ZNF382: variants seen among roughly 807,000 people sequenced by gnomAD.
ZNF382 encodes zinc finger protein 382.
A neutral mutation model predicts 38.8 loss-of-function variants in ZNF382; 20 were observed. The ratio of observed to expected loss-of-function variants is 0.51; its 90% confidence interval spans 0.36 to 0.75. ZNF382 has a LOEUF of 0.75. Ranked by LOEUF, ZNF382 falls within the 30% of genes least tolerant of loss-of-function variation. The pLI is 0.00. For synonymous variants in ZNF382, 202 were observed against 223.1 expected (o/e 0.91, Z 0.84); for missense variants, 546 against 654.1 (o/e 0.83, Z 1.80).
At chr19:36,607,845 C>A in intron 2 of ZNF382, 1 of 518,016 alleles carries the variant, frequency 1.9e-6, no homozygotes, top group Non-Finnish European at 3.4e-6. Flanking sequence ...AGGTGCCTCA[C>A]CTGCCTCACC....
chr19:36,629,453 G>A lies in ZNF382; in HGVS notation c.*1903G>A, dbSNP rs995776194. 6.6e-6 allele frequency: 1 copy of A among 152,026 alleles called. No individual in the cohort carries two copies. Among genetic ancestry groups the A allele is most frequent in the East Asian group, 1.9e-4 (1 of 5,178 alleles). The allele number at this position is 152,026 out of a possible 1,614,324, so 9.4% of individuals were successfully genotyped here. On this transcript the variant is annotated 3_prime_UTR_variant, in exon 5 of 5. Transcript: ENST00000292928. The stretch of plus-strand genomic sequence containing the variant: ...TGTGGACCCTGCTAACACCCAACTG[G>A]TACCACAAATGAGACCTCAAGCAAG...
chr19:36,616,604 C>G (rs2037128096), intron 4 of ZNF382, among the ~76,000 whole-genome samples: 1 of 152,092 alleles, frequency 6.6e-6, no homozygotes, highest in Non-Finnish European at 1.5e-5. Context: ...GTTAGCTGTT[C>G]AATATGTGGG....
intron 4 of ZNF382, among the ~76,000 whole-genome samples, chr19:36,624,863 G>A (rs189116204): frequency 6.0e-5 from 9 of 150,692 alleles, no homozygotes; most frequent in Admixed American, 4.0e-4. Context: ...CCAGGAGTTC[G>A]CGACCAGCCT....
chr19:36,627,531 A>C lies in ZNF382; in HGVS notation c.1634A>C (p.Glu545Ala). Reference sequence around the variant, plus strand: ...GTCCATCAGAAAACTCACAAGGTAGAAACCACGGGAATTCAGTAAGTAATG... The same window carrying C: ...GTCCATCAGAAAACTCACAAGGTAGCAACCACGGGAATTCAGTAAGTAATG... ...LIVHQKTHKVETTGIQ is the reference protein window; with the variant it reads ...LIVHQKTHKVATTGIQ Residue 545 changes from glutamate to alanine, a missense_variant, in exon 5 of 5, where the codon GAA (glutamate) becomes GCA (alanine). By Grantham distance (107) the Glu-to-Ala change is moderately radical (BLOSUM62 -1). Transcript: ENST00000292928. 1 of 1,610,212 alleles carries C rather than the reference A, an allele frequency of 6.2e-7. No homozygotes were observed. The highest frequency in any genetic ancestry group is 1.1e-5 in the South Asian group (1 of 90,944).
intron 4 of ZNF382, among the ~76,000 whole-genome samples, chr19:36,625,826 T>TG (rs1238539626): frequency 1.3e-5 from 2 of 152,194 alleles, no homozygotes; most frequent in Non-Finnish European, 2.9e-5. Flanking sequence ...CCCAGAGTGT[T>TG]GGGATTACAG....
At chr19:36,625,089 A>AATATATATATAT (rs371760229) in intron 4 of ZNF382, among the ~76,000 whole-genome samples, 1,883 of 42,596 alleles carry the variant, frequency 0.044, 110 homozygotes, top group Middle Eastern at 0.067. Flanking sequence ...AATGAATTTA[A>AATATATATATAT]ATATATATAT....
intron 4 of ZNF382, among the ~76,000 whole-genome samples, chr19:36,621,924 A>G (rs1292382843): frequency 6.6e-6 from 1 of 152,106 alleles, no homozygotes; most frequent in African/African-American, 2.4e-5. Flanking sequence ...AAATTAGCCA[A>G]CTAGGAAGTT....
At chr19:36,621,000 G>A (rs576736348) in intron 4 of ZNF382, among the ~76,000 whole-genome samples, 50 of 151,916 alleles carry the variant, frequency 3.3e-4, no homozygotes, top group African/African-American at 1.2e-3. Context: ...CTCAAGTGAT[G>A]TGCCCACCTT....
intron 4 of ZNF382, among the ~76,000 whole-genome samples, chr19:36,620,797 T>C (rs1464292569): frequency 1.3e-5 from 2 of 152,040 alleles, no homozygotes; most frequent in Admixed American, 6.6e-5. Flanking sequence ...CTCACTCTAT[T>C]GCTCAGGCTG....
In ZNF382 at chr19:36,610,683, A is replaced by C; in HGVS notation, c.173A>C (p.Lys58Thr). The change falls in exon 4 of 5, where the codon AAG (lysine) becomes ACG (threonine). Residue 58 changes from lysine (K) to threonine (T), a missense_variant. Lys to Thr is a moderately conservative substitution (Grantham distance 78). Coordinates refer to ENST00000292928, the MANE Select transcript of ZNF382 (RefSeq NM_032825.5). ...FHMAKPDMIR[K>T]LEQGEELWTQ... ...ATGGCTAAGCCTGATATGATCCGCA[A>C]GTTGGAACAAGGAGAAGAGCTATGG... The C allele has an allele frequency of 6.2e-7, 1 of 1,613,504 alleles. No homozygotes were observed. The highest frequency in any genetic ancestry group is 8.5e-7 in the Non-Finnish European group (1 of 1,179,642).
In ZNF382 at chr19:36,632,084, C is replaced by T. The variant is rs1405769469; in HGVS notation, c.*4534C>T. The T allele has an allele frequency of 6.6e-6, 1 of 152,180 alleles. No homozygotes were observed. The highest frequency in any genetic ancestry group is 1.9e-4 in the East Asian group (1 of 5,184). The allele number at this position is 152,180 out of a possible 1,614,324, so 9.4% of individuals were successfully genotyped here. A position where few individuals can be genotyped will look rare whatever the true frequency, so the allele number is the denominator to read the frequency against. ...CTGCACATTCCTCAGTGGTTTTATTCACACACAGACCGCACACTGTCTCTG... is the reference window on the plus strand; with the variant it reads ...CTGCACATTCCTCAGTGGTTTTATTTACACACAGACCGCACACTGTCTCTG... On this transcript the variant is annotated 3_prime_UTR_variant, in exon 5 of 5. Transcript: ENST00000292928.
At chr19:36,621,834 G>T (rs2037173122) in intron 4 of ZNF382, among the ~76,000 whole-genome samples, 1 of 152,016 alleles carries the variant, frequency 6.6e-6, no homozygotes, top group African/African-American at 2.4e-5. Context: ...GATAATGAGG[G>T]AAAACTGTAA....
At position 36,626,431 on chromosome 19, in the gene ZNF382, A is replaced by T. The variant is rs766543114; in HGVS notation, c.534A>T (p.Lys178Asn). 1 of 1,605,810 alleles carries T rather than the reference A, an allele frequency of 6.2e-7. No homozygotes were observed. The highest frequency in any genetic ancestry group is 1.1e-5 in the South Asian group (1 of 89,086). Residue 178 changes from lysine (K) to asparagine (N), a missense_variant, in exon 5 of 5, where the codon AAA becomes AAT. By Grantham distance (94) the Lys-to-Asn change is moderately conservative (BLOSUM62 0). Transcript: ENST00000292928. ...CACTCCTCAATACCAAGCATGAGAA[A>T]ATTCATCCTGCAGTGAATCTCCATA... ...EKSLLNTKHE[K>N]IHPAVNLHKQ...
intron 2 of ZNF382, 24 bp downstream of exon 2, chr19:36,607,646 C>G: frequency 6.6e-7 from 1 of 1,512,090 alleles, no homozygotes; most frequent in Non-Finnish European, 8.8e-7. Context: ...TCCTCTCTTT[C>G]TGAAATAACT....
intron 3 of ZNF382, 82 bp downstream of exon 3, chr19:36,610,135 G>T: frequency 6.6e-7 from 1 of 1,509,780 alleles, no homozygotes; most frequent in Non-Finnish European, 9.0e-7. Context: ...GAATTTCAGG[G>T]ATTAGAGGTG....
At chr19:36,615,208 G>A (rs778178268) in intron 4 of ZNF382, among the ~76,000 whole-genome samples, 17 of 151,774 alleles carry the variant, frequency 1.1e-4, no homozygotes, top group Admixed American at 3.3e-4. Flanking sequence ...GGCTGGTCTC[G>A]AACTCCTGAC....
intron 2 of ZNF382, 156 bp from the exon 3 acceptor site, chr19:36,609,746 T>G: frequency 7.3e-6 from 5 of 687,012 alleles, no homozygotes; most frequent in Non-Finnish European, 1.1e-5. Flanking sequence ...GATCTCAGTA[T>G]GTTTAGCATG....
At chr19:36,624,132 G>A (rs756470106) in intron 4 of ZNF382, among the ~76,000 whole-genome samples, 7 of 152,010 alleles carry the variant, frequency 4.6e-5, no homozygotes, top group Admixed American at 1.3e-4. Flanking sequence ...ATGAAAAATC[G>A]GATAGTAGCA....
At position 36,627,681 on chromosome 19, in the gene ZNF382, A is replaced by AACACACACAC. The variant is rs10669183; in HGVS notation, c.*151_*160dup. On this transcript the variant is annotated 3_prime_UTR_variant, in exon 5 of 5. Coordinates refer to ENST00000292928, the MANE Select transcript of ZNF382 (RefSeq NM_032825.5). ...TAACCTACTGTTTGCCAGCCTGTAA[A>AACACACACAC]ACACACACACACACACACACACACA... is the stretch of plus-strand genomic sequence containing the variant. 3.6e-3 allele frequency: 1,913 copies of AACACACACAC among 532,974 alleles called. 34 individuals are homozygous for AACACACACAC. Among genetic ancestry groups the AACACACACAC allele is most frequent in the African/African-American group, 0.033 (1,698 of 51,318 alleles). The allele number at this position is 532,974 out of a possible 1,614,324, so 33.0% of individuals were successfully genotyped here.
Sources: allele counts gnomAD v4.1 joint callset (sites outside exome capture counted in the v4.1 genomes callset), GRCh38; gene constraint gnomAD v4.1.1; transcripts MANE v1.5; gene names NCBI Gene and HGNC (gene_info 2026-07-23, HGNC 2026-07-21).